The following NPC1 variants were observed in gnomAD, a reference collection of about 807,000 sequenced individuals.
NPC1 encodes the protein Niemann-Pick C1 protein.
NPC1 carries 85 observed loss-of-function variants against 140.4 expected under a neutral mutation model. That is an observed-to-expected ratio of 0.61 (90% CI 0.51 to 0.72). The LOEUF is 0.72. NPC1 is among the 30% of genes least tolerant of loss of function. NPC1 has a pLI of 0.00. For synonymous variants in NPC1, 656 were observed against 624.8 expected (o/e 1.05, Z -0.74); for missense variants, 1,504 against 1,623.8 (o/e 0.93, Z 1.27).
chr18:23,525,525 A>C (rs1353626416), downstream of NPC1, among the ~76,000 whole-genome samples: 1 of 151,382 alleles, frequency 6.6e-6, no homozygotes, highest in African/African-American at 2.4e-5. Flanking sequence ...CCTGGGTTTA[A>C]GCGATTCTCC....
chr18:23,553,162 G>C (rs2058898796), intron 9 of NPC1, among the ~76,000 whole-genome samples: 1 of 152,190 alleles, frequency 6.6e-6, no homozygotes, highest in Admixed American at 6.6e-5. Flanking sequence ...ACACTGGTGG[G>C]AACCACGTCC....
At chr18:23,536,961 A>G in intron 20 of NPC1, 85 bp from the exon 21 acceptor site, 1 of 1,090,532 alleles carries the variant, frequency 9.2e-7, no homozygotes, top group South Asian at 1.3e-5. Flanking sequence ...AAGCAAAATC[A>G]CCTGACCCTG....
intron 1 of NPC1, among the ~76,000 whole-genome samples, chr18:23,584,237 GATAGAACTCT>G (rs1456112762): frequency 1.3e-5 from 2 of 152,186 alleles, no homozygotes; most frequent in African/African-American, 4.8e-5. Flanking sequence ...ATAATTCCAT[GATAGAACTCT>G]ACTAGCGCTC....
downstream of NPC1, chr18:23,527,683 T>C (rs111631793): frequency 1.5e-6 from 1 of 668,254 alleles, no homozygotes; most frequent in Non-Finnish European, 2.5e-6. Flanking sequence ...CCTTTAAAGG[T>C]ACTTTTGCAT....
downstream of NPC1, chr18:23,520,224 A>G (rs745884709): frequency 2.9e-5 from 46 of 1,613,914 alleles, no homozygotes; most frequent in Non-Finnish European, 3.9e-5. Context: ...TTCGATATCA[A>G]GTTACGGGGA....
downstream of NPC1, chr18:23,527,927 G>C (rs370745743): frequency 4.5e-6 from 7 of 1,541,334 alleles, no homozygotes; most frequent in African/African-American, 9.6e-5. Context: ...TATGACAAAG[G>C]GTCCTCCTCC....
chr18:23,576,213 A>C (rs2059275924), intron 1 of NPC1, among the ~76,000 whole-genome samples: 1 of 152,078 alleles, frequency 6.6e-6, no homozygotes, highest in Non-Finnish European at 1.5e-5. Context: ...AACAAGAGCT[A>C]AACTGTCTCA....
chr18:23,522,433 C>G (rs542553286), exon 2 of NPC1: 3 of 152,266 alleles, frequency 2.0e-5, no homozygotes, highest in African/African-American at 7.2e-5. Context: ...TTGAATGCAG[C>G]CCAACACAAA....
intron 1 of NPC1, chr18:23,576,551 G>A: frequency 1.0e-6 from 1 of 1,004,014 alleles, no homozygotes; most frequent in African/African-American, 1.7e-5. Flanking sequence ...GAATTGGTGG[G>A]TTCTTGGTCT....
chr18:23,567,313 G>T (rs1439528872), intron 4 of NPC1, among the ~76,000 whole-genome samples: 1 of 152,158 alleles, frequency 6.6e-6, no homozygotes, highest in Non-Finnish European at 1.5e-5. Flanking sequence ...TGTTGAAAGC[G>T]TCTTGAATTT....
intron 20 of NPC1, among the ~76,000 whole-genome samples, chr18:23,537,694 G>A (rs2058652384): frequency 6.6e-6 from 1 of 152,156 alleles, no homozygotes; most frequent in Middle Eastern, 3.2e-3. Flanking sequence ...AGGCTCCCCA[G>A]GAACGGTGGC....
intron 3 of NPC1, among the ~76,000 whole-genome samples, chr18:23,509,850 C>T (rs922810452): frequency 1.3e-5 from 2 of 151,528 alleles, no homozygotes; most frequent in Admixed American, 6.6e-5. Context: ...TGAGCCACTG[C>T]GCCCGGCCCT....
chr18:23,580,254 C>G lies in NPC1; in HGVS notation c.57+6033G>C, dbSNP rs2059341698. On this transcript the variant is annotated intron_variant, in intron 1 of 24. Transcript: ENST00000269228. The stretch of plus-strand genomic sequence containing the variant: ...TCATAAATAACATGATTTTGAACAC[C>G]AAGTTAAGCATTCTCCACCCATCCC... 2.0e-5 allele frequency among the ~76,000 whole-genome samples: 3 copies of G among 152,060 alleles called. No individual in the cohort carries two copies. The South Asian group carries it at 6.2e-4, about 32-fold the overall frequency.
intron 6 of NPC1, among the ~76,000 whole-genome samples, chr18:23,557,946 T>C (rs113099619): frequency 7.9e-5 from 12 of 152,118 alleles, no homozygotes; most frequent in African/African-American, 2.4e-4. Context: ...GCACTCCCAA[T>C]GGCCCAAAGT....
chr18:23,529,919 T>A, downstream of NPC1: 1 of 1,153,446 alleles, frequency 8.7e-7, no homozygotes, highest in Non-Finnish European at 1.3e-6. Flanking sequence ...CTTCTTGTAA[T>A]GACAGACTTT....
intron 8 of NPC1, 46 bp from the exon 9 acceptor site, chr18:23,555,030 T>C (rs753646593): frequency 1.6e-5 from 19 of 1,220,170 alleles, no homozygotes; most frequent in Non-Finnish European, 1.9e-5. Flanking sequence ...ACACGTCACA[T>C]TTCTCTCAGA....
downstream of NPC1, among the ~76,000 whole-genome samples, chr18:23,525,187 C>G (rs1470017853): frequency 6.6e-6 from 1 of 151,818 alleles, no homozygotes; most frequent in Admixed American, 6.6e-5. Flanking sequence ...CTCAGGTGAT[C>G]CGCCTGCCTC....
intron 20 of NPC1, among the ~76,000 whole-genome samples, chr18:23,538,090 C>A (rs2058658985): frequency 6.6e-6 from 1 of 152,160 alleles, no homozygotes; most frequent in Admixed American, 6.5e-5. Flanking sequence ...TAACCCTATA[C>A]ATGGATGGGC....
At chr18:23,520,366 G>A, downstream of NPC1, 1 of 1,393,820 alleles carries the variant, frequency 7.2e-7, no homozygotes, top group Non-Finnish European at 1.0e-6. Flanking sequence ...ATGTGGCTGT[G>A]TTCTCACCAT....
Sources: allele counts gnomAD v4.1 joint callset (sites outside exome capture counted in the v4.1 genomes callset), GRCh38; gene constraint gnomAD v4.1.1; transcripts MANE v1.5; gene names NCBI Gene and HGNC (gene_info 2026-07-23, HGNC 2026-07-21).